Variants in EVC2 observed in about 807,000 individuals in gnomAD.
The protein encoded by EVC2 is limbin.
In EVC2, 148 loss-of-function variants were observed where a neutral mutation model predicts 149.3. The ratio of observed to expected loss-of-function variants is 0.99; its 90% CI spans 0.87 to 1.14. The LOEUF is 1.14. Ranked by LOEUF, EVC2 falls within the 50% of genes most tolerant of loss-of-function variation. The pLI, the probability that EVC2 is intolerant of heterozygous loss-of-function variation, is 0.00. For synonymous variants in EVC2, 776 were observed against 649.9 expected (o/e 1.19, Z -2.95); for missense variants, 1,854 against 1,627.3 (o/e 1.14, Z -2.40).
chr4:5,665,182 T>C (rs1719183013), intron 8 of EVC2, among the ~76,000 whole-genome samples: 10 of 152,080 alleles, frequency 6.6e-5, no homozygotes. Context: ...TGTTGGTGTG[T>C]AGCTGCAGTC....
chr4:5,619,081 C>A (rs1417957096), intron 14 of EVC2, among the ~76,000 whole-genome samples: 1 of 152,178 alleles, frequency 6.6e-6, no homozygotes, highest in Non-Finnish European at 1.5e-5. Flanking sequence ...CAAAACTCAG[C>A]TCAGGGAGGT....
intron 21 of EVC2, among the ~76,000 whole-genome samples, chr4:5,563,530 C>T (rs1041304386): frequency 5.3e-5 from 8 of 152,186 alleles, no homozygotes; most frequent in East Asian, 3.9e-4. Context: ...TTAATAGAGA[C>T]GGGGTTTCAC....
chr4:5,563,500 C>T (rs530106139), intron 21 of EVC2, among the ~76,000 whole-genome samples: 1 of 152,146 alleles, frequency 6.6e-6, no homozygotes, highest in African/African-American at 2.4e-5. Flanking sequence ...GCGCGTGCAA[C>T]CATGCCCAGC....
At chr4:5,643,753 T>G (rs1450745607) in intron 9 of EVC2, among the ~76,000 whole-genome samples, 1 of 152,146 alleles carries the variant, frequency 6.6e-6, no homozygotes, top group Non-Finnish European at 1.5e-5. Flanking sequence ...AAATGCCATC[T>G]CCACTAAAAC....
intron 19 of EVC2, among the ~76,000 whole-genome samples, chr4:5,571,558 T>C (rs1577103351): frequency 6.6e-6 from 1 of 151,964 alleles, no homozygotes; most frequent in Admixed American, 6.6e-5. Context: ...ACAGCCTCTC[T>C]CCCCACTTCC....
downstream of EVC2, among the ~76,000 whole-genome samples, chr4:5,542,151 C>A (rs1721525835): frequency 6.6e-6 from 1 of 152,148 alleles, no homozygotes; most frequent in Admixed American, 6.5e-5. Flanking sequence ...CATGCCGGCA[C>A]CCTGATTTCC....
In EVC2 at chr4:5,691,257, A is replaced by C; in HGVS notation, c.519+8T>G. 1 of 1,612,444 alleles carries C rather than the reference A, an allele frequency of 6.2e-7. No individual in the cohort carries two copies. The highest frequency in any genetic ancestry group is 8.5e-7 in the Non-Finnish European group (1 of 1,178,592). On this transcript the variant is annotated splice_region_variant and intron_variant, in intron 4 of 21. Coordinates refer to ENST00000344408, the MANE Select transcript of EVC2 (RefSeq NM_147127.5). The stretch of plus-strand genomic sequence containing the variant: ...CTCTTCAAATATACACCACCAGTGG[A>C]AACTTACCAGTGCACATTTCTGAAA...
At chr4:5,692,480 C>T (rs917280550) in intron 3 of EVC2, among the ~76,000 whole-genome samples, 1 of 152,194 alleles carries the variant, frequency 6.6e-6, no homozygotes, top group Non-Finnish European at 1.5e-5. Context: ...GCAGGAAGCT[C>T]GAGACTCTCC....
At chr4:5,577,346 G>A (rs1323350514) in intron 17 of EVC2, among the ~76,000 whole-genome samples, 1 of 152,160 alleles carries the variant, frequency 6.6e-6, no homozygotes, top group Non-Finnish European at 1.5e-5. Flanking sequence ...ACAAGAAACT[G>A]TCCACAGCCT....
chr4:5,696,383 C>T lies in EVC2; in HGVS notation c.283+1210G>A, dbSNP rs1721478866. Among the ~76,000 whole-genome samples the T allele has an allele frequency of 6.6e-6, 1 of 152,158 alleles. No homozygotes were observed. Among genetic ancestry groups the T allele is most frequent in the African/African-American group, 2.4e-5 (1 of 41,430 alleles). ...GTCTACAGAGCCAAGTGGGGCCCAC[C>T]CGAATCCCAGCCCATCCCATTCCCC... On this transcript the variant is annotated intron_variant, in intron 2 of 21. Coordinates refer to ENST00000344408, the MANE Select transcript of EVC2 (RefSeq NM_147127.5). The surrounding 1 kb of genome is among the most constrained non-coding windows in gnomAD (Gnocchi z 4.1).
At chr4:5,617,573 A>G (rs1309299273) in intron 15 of EVC2, among the ~76,000 whole-genome samples, 1 of 152,188 alleles carries the variant, frequency 6.6e-6, no homozygotes, top group Non-Finnish European at 1.5e-5. Context: ...AAGTCAAGGA[A>G]CCAGCACATT....
chr4:5,565,102 CAG>C (rs1161031120), intron 21 of EVC2, among the ~76,000 whole-genome samples, 154 bp downstream of exon 21: 1 of 152,228 alleles, frequency 6.6e-6, no homozygotes, highest in Non-Finnish European at 1.5e-5. Context: ...CTTCTAAACT[CAG>C]CCCACTGAAT....
chr4:5,566,212 G>A (rs1479402662), intron 20 of EVC2, among the ~76,000 whole-genome samples: 1 of 152,224 alleles, frequency 6.6e-6, no homozygotes. Context: ...GCGTTGGAGA[G>A]TGTTGCCCGG....
At chr4:5,591,961 T>C (rs1482049779) in intron 16 of EVC2, among the ~76,000 whole-genome samples, 3 of 152,202 alleles carry the variant, frequency 2.0e-5, no homozygotes, top group Admixed American at 6.5e-5. Context: ...AAAAAGTTTT[T>C]TCTATGCATT....
intron 14 of EVC2, among the ~76,000 whole-genome samples, chr4:5,621,142 T>G (rs1715658390): frequency 6.6e-6 from 1 of 152,176 alleles, no homozygotes; most frequent in African/African-American, 2.4e-5. Flanking sequence ...GGGGACCTAT[T>G]TTCCTGGTAG....
intron 21 of EVC2, among the ~76,000 whole-genome samples, chr4:5,555,758 C>T (rs1721827153): frequency 6.6e-6 from 1 of 152,190 alleles, no homozygotes; most frequent in Admixed American, 6.5e-5. Context: ...TCAGTAAGAA[C>T]ATAGTTGGCC....
Position 5,613,906 on chromosome 4 carries a change from G to C in EVC2, c.2829+1516C>G, listed in dbSNP as rs754004831. ...GATGGGAGACACTGAGCCCAGAGCA[G>C]TTTCTATGGCTCTTGGCGAGATCGT... is the stretch of plus-strand genomic sequence containing the variant. On this transcript the variant is annotated intron_variant, in intron 16 of 21. Coordinates refer to ENST00000344408, the MANE Select transcript of EVC2 (RefSeq NM_147127.5). This position sits in a 1 kb window ranked among gnomAD's most constrained non-coding sequence, Gnocchi z 4.6. Among the ~76,000 whole-genome samples the C allele has an allele frequency of 6.6e-6, 1 of 152,198 alleles. No individual in the cohort carries two copies. Among genetic ancestry groups the C allele is most frequent in the Non-Finnish European group, 1.5e-5 (1 of 68,044 alleles).
chr4:5,632,069 C>T, intron 10 of EVC2, 37 bp from the exon 11 acceptor site: 2 of 1,612,210 alleles, frequency 1.2e-6, no homozygotes, highest in Non-Finnish European at 1.7e-6. Context: ...GAAACTGACA[C>T]ACTGAACATG....
intron 9 of EVC2, among the ~76,000 whole-genome samples, chr4:5,652,295 G>A (rs1718201238): frequency 6.6e-6 from 1 of 152,166 alleles, no homozygotes; most frequent in South Asian, 2.1e-4. Context: ...GCTGCGTCAG[G>A]ATGGCAACAC....
Sources: allele counts gnomAD v4.1 joint callset (sites outside exome capture counted in the v4.1 genomes callset), GRCh38; gene constraint gnomAD v4.1.1; non-coding constraint Gnocchi (gnomAD v3.1); transcripts MANE v1.5; gene names NCBI Gene and HGNC (gene_info 2026-07-23, HGNC 2026-07-21).